Variants in AGAP1 observed in about 807,000 individuals in gnomAD.
The protein encoded by AGAP1 is arf-GAP with GTPase, ANK repeat and PH domain-containing protein 1.
A neutral mutation model predicts 105.3 loss-of-function variants in AGAP1; 29 were observed. That is an observed-to-expected ratio of 0.28 (90% CI 0.21 to 0.38). The LOEUF is 0.38. AGAP1 is among the 10% of genes least tolerant of loss of function. AGAP1 has a pLI of 1.00. For missense variants in AGAP1, 998 were observed against 1,165.1 expected (o/e 0.86, Z 2.09); for synonymous variants, 509 against 485.9 (o/e 1.05, Z -0.63).
intron 13 of AGAP1, among the ~76,000 whole-genome samples, chr2:235,985,274 T>G (rs1159619338): frequency 6.6e-6 from 1 of 152,254 alleles, no homozygotes. Flanking sequence ...TCTGTTCATA[T>G]CCTTTGCCCA....
rs902428710 is a variant in AGAP1, at chr2:235,960,928, C to T, written c.1484-7534C>T. Among the ~76,000 whole-genome samples the T allele has an allele frequency of 3.9e-5, 6 of 152,270 alleles. No homozygotes were observed. Among genetic ancestry groups the T allele is most frequent in the Middle Eastern group, 3.4e-3 (1 of 294 alleles). Reference sequence around the variant, plus strand: ...TGTGGCTGGTTTTAAAACTAAGTCGCGAAATTGATACACTGCTGTGTGATA... The same window carrying T: ...TGTGGCTGGTTTTAAAACTAAGTCGTGAAATTGATACACTGCTGTGTGATA... On this transcript the variant is annotated intron_variant, in intron 12 of 17. Coordinates refer to ENST00000304032, the MANE Select transcript of AGAP1 (RefSeq NM_001037131.3). The surrounding 1 kb of genome is among the most constrained non-coding windows in gnomAD (Gnocchi z 4.9).
intron 5 of AGAP1, among the ~76,000 whole-genome samples, chr2:235,746,925 G>C (rs1364282061): frequency 1.3e-5 from 2 of 152,126 alleles, no homozygotes; most frequent in African/African-American, 4.8e-5. Context: ...TGTTCCATCA[G>C]TAGGAAGGGA....
intron 1 of AGAP1, among the ~76,000 whole-genome samples, chr2:235,544,274 G>C (rs1194803780): frequency 6.6e-6 from 1 of 152,136 alleles, no homozygotes; most frequent in Non-Finnish European, 1.5e-5. Flanking sequence ...GGCAGGAACG[G>C]AGCCAGCAGA....
intron 1 of AGAP1, among the ~76,000 whole-genome samples, chr2:235,516,749 G>A (rs956625721): frequency 1.4e-4 from 21 of 152,138 alleles, no homozygotes; most frequent in Admixed American, 1.0e-3. Context: ...TCAGCTCCCC[G>A]GCAGGCTTCA....
intron 5 of AGAP1, among the ~76,000 whole-genome samples, chr2:235,748,167 G>A (rs983346515): frequency 8.5e-5 from 13 of 152,254 alleles, no homozygotes; most frequent in Non-Finnish European, 1.6e-4. Context: ...GTATAGAACC[G>A]AAATGCGAGT....
At chr2:235,641,112 A>G (rs1424268220) in intron 1 of AGAP1, among the ~76,000 whole-genome samples, 1 of 152,198 alleles carries the variant, frequency 6.6e-6, no homozygotes, top group Non-Finnish European at 1.5e-5. Context: ...TTTCCCATAA[A>G]TCACGCAAAG....
At chr2:235,831,873 G>T (rs1009277543) in intron 9 of AGAP1, among the ~76,000 whole-genome samples, 2 of 152,184 alleles carry the variant, frequency 1.3e-5, no homozygotes, top group African/African-American at 4.8e-5. Context: ...TTTCAGTTTT[G>T]CAGGAAACTG....
rs373621145 is a variant in AGAP1 at position 235,714,106 on chromosome 2, C to T, written c.223-3451C>T. ...TCAGCTCACTGCAACCTCTGCCTCC[C>T]GGGTTCAAGTGATTCTCCTGCCTCA... On this transcript the variant is annotated intron_variant, in intron 2 of 17. Transcript: ENST00000304032. This position sits in a 1 kb window ranked among gnomAD's most constrained non-coding sequence, Gnocchi z 4.1. Among the ~76,000 whole-genome samples, 24 of 152,200 alleles carry T rather than the reference C, an allele frequency of 1.6e-4. No individual in the cohort carries two copies. The highest frequency in any genetic ancestry group is 3.2e-4 in the Non-Finnish European group (22 of 68,002).
intron 16 of AGAP1, among the ~76,000 whole-genome samples, chr2:236,081,926 G>C (rs939000087): frequency 3.3e-5 from 5 of 152,144 alleles, no homozygotes; most frequent in African/African-American, 1.2e-4. Context: ...TCCCTGGAAC[G>C]AGAAAGGGGG....
At position 235,845,799 on chromosome 2, in the gene AGAP1, C is replaced by T. The variant is rs1005838867; in HGVS notation, c.1051-37546C>T. Among the ~76,000 whole-genome samples, 19 of 151,944 alleles carry T rather than the reference C, an allele frequency of 1.3e-4. No homozygotes were observed. Among genetic ancestry groups the T allele is most frequent in the Admixed American group, 9.8e-4 (15 of 15,242 alleles). ...TCCCTTTCTTCCTGAGCATCTGTCC[C>T]GTCGTGCCCTCCGAAGGAGTCATGC... On this transcript the variant is annotated intron_variant, in intron 9 of 17. Transcript: ENST00000304032. The surrounding 1 kb of genome is among the most constrained non-coding windows in gnomAD (Gnocchi z 4.8).
rs143266886 is a variant in AGAP1 at position 235,769,321 on chromosome 2, C to T, written c.673+18833C>T. ...GACATGCCTGGGCTGCTGAGTGGGGCGTGCCCAACTCTTTCTGCTTTGAGT... is the reference window on the plus strand; with the variant it reads ...GACATGCCTGGGCTGCTGAGTGGGGTGTGCCCAACTCTTTCTGCTTTGAGT... On this transcript the variant is annotated intron_variant, in intron 6 of 17. Coordinates refer to ENST00000304032, the MANE Select transcript of AGAP1 (RefSeq NM_001037131.3). The surrounding 1 kb of genome is among the most constrained non-coding windows in gnomAD (Gnocchi z 4.4). Among the ~76,000 whole-genome samples, 111 of 152,314 alleles carry T rather than the reference C, an allele frequency of 7.3e-4. 1 individual carries two copies. Among genetic ancestry groups the T allele is most frequent in the African/African-American group, 2.5e-3 (102 of 41,568 alleles).
rs887195634 is a variant in AGAP1, at chr2:235,893,767, C to T, written c.1155+10318C>T. On this transcript the variant is annotated intron_variant, in intron 10 of 17. Transcript: ENST00000304032. The surrounding 1 kb of genome is among the most constrained non-coding windows in gnomAD (Gnocchi z 4.7). ...TGGCACATAGGTATTGCTTAGTACA[C>T]ACCGGTCACAGTGACTTGAGTGCCA... Among the ~76,000 whole-genome samples the T allele has an allele frequency of 6.6e-6, 1 of 152,192 alleles. No homozygotes were observed. Among genetic ancestry groups the T allele is most frequent in the African/African-American group, 2.4e-5 (1 of 41,444 alleles).
chr2:235,653,786 G>C (rs1947686983), intron 1 of AGAP1, among the ~76,000 whole-genome samples: 3 of 152,260 alleles, frequency 2.0e-5, no homozygotes, highest in Non-Finnish European at 2.9e-5. Flanking sequence ...GCTGGGCACA[G>C]TGGCTCACGC....
chr2:235,636,061 C>T (rs1241424603), intron 1 of AGAP1, among the ~76,000 whole-genome samples: 3 of 151,718 alleles, frequency 2.0e-5, no homozygotes, highest in East Asian at 1.9e-4. Flanking sequence ...TGCAGTGAGC[C>T]GAGATCGTGC....
Position 235,766,901 on chromosome 2 carries a change from C to T in AGAP1, c.673+16413C>T, listed in dbSNP as rs189505515. ...GGATTATATGTGCGTGCCACCACAC[C>T]GGCTAATTTTTTTTTTTTTTTTTTT... On this transcript the variant is annotated intron_variant, in intron 6 of 17. Transcript: ENST00000304032. Among the ~76,000 whole-genome samples the T allele has an allele frequency of 2.5e-3, 353 of 139,070 alleles. 1 individual carries two copies. Among genetic ancestry groups the T allele is most frequent in the African/African-American group, 8.5e-3 (331 of 38,884 alleles). 91.2% of individuals were successfully genotyped at this position (139,070 alleles called of 152,430 possible).
chr2:235,670,131 C>T, intron 1 of AGAP1: 1 of 576,376 alleles, frequency 1.7e-6, no homozygotes, highest in Non-Finnish European at 3.2e-6. Context: ...GGCGAGCCCG[C>T]GTCGCCACCC....
chr2:235,848,423 T>A (rs182779327), intron 9 of AGAP1, among the ~76,000 whole-genome samples: 1 of 152,308 alleles, frequency 6.6e-6, no homozygotes, highest in African/African-American at 2.4e-5. Context: ...TTTCTAACAC[T>A]GGGAGCTATT....
intron 1 of AGAP1, among the ~76,000 whole-genome samples, chr2:235,681,330 T>C (rs1414518873): frequency 6.6e-6 from 1 of 152,012 alleles, no homozygotes; most frequent in Non-Finnish European, 1.5e-5. Flanking sequence ...TTTGACACAC[T>C]CTATGACCCT....
intron 13 of AGAP1, among the ~76,000 whole-genome samples, chr2:236,023,880 C>T (rs947450937): frequency 6.6e-6 from 1 of 152,176 alleles, no homozygotes; most frequent in East Asian, 1.9e-4. Flanking sequence ...AGAACCTCCT[C>T]TCTCCCCAGG....
Sources: allele counts gnomAD v4.1 joint callset (sites outside exome capture counted in the v4.1 genomes callset), GRCh38; gene constraint gnomAD v4.1.1; non-coding constraint Gnocchi (gnomAD v3.1); transcripts MANE v1.5; gene names NCBI Gene and HGNC (gene_info 2026-07-23, HGNC 2026-07-21).